The following ZBED4 variants were observed in gnomAD, a reference collection of about 807,000 sequenced individuals.
ZBED4 encodes the protein zinc finger BED-type containing 4, also known as zinc finger BED domain-containing protein 4.
ZBED4 carries 4 observed loss-of-function variants against 15.5 expected under a neutral mutation model. The observed-to-expected ratio is 0.26, with a 90% CI of 0.13 to 0.59. The LOEUF is 0.59. Ranked by LOEUF, ZBED4 falls within the 20% of genes least tolerant of loss-of-function variation. The pLI, the probability that ZBED4 is intolerant of heterozygous loss-of-function variation, is 0.90. For missense variants in ZBED4, 1,323 were observed against 1,461.8 expected, an observed-to-expected ratio of 0.91 and a Z score of 1.55; for synonymous variants, 692 against 608.5, an observed-to-expected ratio of 1.14 and a Z score of -2.02.
intron 1 of ZBED4, among the ~76,000 whole-genome samples, chr22:49,857,115 T>A (rs2060278062): frequency 6.6e-6 from 1 of 152,190 alleles, no homozygotes; most frequent in South Asian, 2.1e-4. Flanking sequence ...CTGCTCCTCA[T>A]CGAGGCCCAC....
chr22:49,871,763 T>TTA (rs1569160161), intron 1 of ZBED4, among the ~76,000 whole-genome samples: 3 of 141,384 alleles, frequency 2.1e-5, no homozygotes, highest in East Asian at 4.0e-4. Flanking sequence ...ATTTATTTTT[T>TTA]TTTTTTTTTG....
rs757531068 is a variant in ZBED4 at position 49,886,490 on chromosome 22, C to T, written c.2828C>T (p.Ala943Val). The change falls in exon 2 of 2, where the codon GCG becomes GTG. Residue 943 changes from alanine to valine, a missense_variant. By Grantham distance (64) the Ala-to-Val change is moderately conservative. This residue lies in a region of ZBED4 where 312 missense variants were observed against 410.7 expected (regional missense o/e 0.76). Transcript: ENST00000216268. This position sits in a 1 kb window ranked among gnomAD's most constrained non-coding sequence, Gnocchi z 7.7. ...CGTGCGCTAAAGCCCTTCGAGGCTG[C>T]GAGCCGGGAGATGAGCACGCAGATG... The part of the protein sequence containing the change: ...VCRALKPFEA[A>V]SREMSTQMST... The T allele has an allele frequency of 8.3e-6, 13 of 1,564,170 alleles. No homozygotes were observed. The highest frequency in any genetic ancestry group is 3.7e-5 in the Admixed American group (2 of 54,456).
chr22:49,871,095 A>G (rs2147520516), intron 1 of ZBED4, among the ~76,000 whole-genome samples: 1 of 151,962 alleles, frequency 6.6e-6, no homozygotes, highest in African/African-American at 2.4e-5. Context: ...TGTGCACCAC[A>G]ATGCCTGGCT....
chr22:49,878,910 C>T (rs148994989), intron 1 of ZBED4, among the ~76,000 whole-genome samples: 2,885 of 151,678 alleles, frequency 0.019, 51 homozygotes, highest in Non-Finnish European at 0.03. Flanking sequence ...TTTGGGAGGC[C>T]GAGGCGGGCA....
intron 1 of ZBED4, among the ~76,000 whole-genome samples, chr22:49,857,534 G>A (rs1017437695): frequency 6.6e-6 from 1 of 152,284 alleles, no homozygotes; most frequent in South Asian, 2.1e-4. Flanking sequence ...CTCTGACTCC[G>A]GGTTTCTGGA....
At chr22:49,854,549 C>G (rs532118603) in intron 1 of ZBED4, among the ~76,000 whole-genome samples, 1 of 152,254 alleles carries the variant, frequency 6.6e-6, no homozygotes, top group South Asian at 2.1e-4. Context: ...ACTTGCCTTG[C>G]GAACCATAAT....
chr22:49,853,895 GC>G lies in ZBED4; in HGVS notation c.-423del, dbSNP rs1225857644. The stretch of plus-strand genomic sequence containing the variant: ...CGGGCGGCGGGGCCGCGGGAGGGGC[GC>G]GGGGGCAGACAAAGCCGCGGTAATG... On this transcript the variant is annotated 5_prime_UTR_variant, in exon 1 of 2. Transcript: ENST00000216268. 3 of 144,798 alleles carry G rather than the reference GC, an allele frequency of 2.1e-5. No individual in the cohort carries two copies. Among genetic ancestry groups the G allele is most frequent in the Non-Finnish European group, 4.6e-5 (3 of 65,284 alleles). The allele number at this position is 144,798 out of a possible 1,614,324, so 9.0% of individuals were successfully genotyped here.
In ZBED4 at chr22:49,871,765, T is replaced by TTATTTA. The variant is rs1205280233; in HGVS notation, c.-329-11568_-329-11567insATTTAT. 4.7e-3 allele frequency among the ~76,000 whole-genome samples: 688 copies of TTATTTA among 147,156 alleles called. 10 individuals are homozygous for TTATTTA. The South Asian group carries it at 0.058, about 12-fold the overall frequency. On this transcript the variant is annotated intron_variant, in intron 1 of 1. Transcript: ENST00000216268. ...AATTTATTTATTTATTTATTTTTTT[T>TTATTTA]TTTTTTTGAGACAGAGTCTTACTCT... is the stretch of plus-strand genomic sequence containing the variant.
intron 1 of ZBED4, among the ~76,000 whole-genome samples, chr22:49,879,210 C>T (rs1373632295): frequency 3.3e-5 from 5 of 150,978 alleles, no homozygotes; most frequent in Non-Finnish European, 4.4e-5. Context: ...CTGTAACTTG[C>T]GCCTCCCGGG....
At chr22:49,856,311 T>G (rs1317387712) in intron 1 of ZBED4, among the ~76,000 whole-genome samples, 1 of 152,196 alleles carries the variant, frequency 6.6e-6, no homozygotes, top group Non-Finnish European at 1.5e-5. Flanking sequence ...ATGGTGGTGG[T>G]GAGGAGCAGC....
chr22:49,864,953 G>GCCA (rs1365130994), intron 1 of ZBED4, among the ~76,000 whole-genome samples: 2,698 of 9,050 alleles, frequency 0.3, 306 homozygotes, highest in African/African-American at 0.48. Context: ...CCCCCCCCCC[G>GCCA]TGAAGTCAGA....
At chr22:49,854,184 C>T (rs575183520) in intron 1 of ZBED4, among the ~76,000 whole-genome samples, 195 bp downstream of exon 1, 2 of 146,712 alleles carry the variant, frequency 1.4e-5, no homozygotes, top group African/African-American at 2.4e-5. Context: ...CGCGCGGACC[C>T]CGGCCCTGAC....
intron 1 of ZBED4, among the ~76,000 whole-genome samples, chr22:49,859,093 C>T (rs867530543): frequency 6.6e-6 from 1 of 152,298 alleles, no homozygotes; most frequent in Middle Eastern, 3.4e-3. Flanking sequence ...CCCATCAGAC[C>T]TCCACATGCT....
intron 1 of ZBED4, among the ~76,000 whole-genome samples, chr22:49,875,832 G>A (rs2060373636): frequency 6.6e-6 from 1 of 151,962 alleles, no homozygotes; most frequent in African/African-American, 2.4e-5. Flanking sequence ...CTCATTCCTG[G>A]TAGTGGTAAA....
chr22:49,856,455 G>A (rs2060274704), intron 1 of ZBED4, among the ~76,000 whole-genome samples: 1 of 152,240 alleles, frequency 6.6e-6, no homozygotes, highest in Admixed American at 6.5e-5. Flanking sequence ...TGAAGGGTCT[G>A]GGGGCGATGG....
At chr22:49,871,818 G>T (rs535429980) in intron 1 of ZBED4, among the ~76,000 whole-genome samples, 2 of 150,946 alleles carry the variant, frequency 1.3e-5, no homozygotes, top group African/African-American at 4.9e-5. Context: ...GCAGTGGTGT[G>T]ATCTCAGCTC....
intron 1 of ZBED4, among the ~76,000 whole-genome samples, chr22:49,881,798 C>T (rs2060411001): frequency 6.6e-6 from 1 of 152,156 alleles, no homozygotes; most frequent in Non-Finnish European, 1.5e-5. Context: ...CTCCCAAGTA[C>T]TAGGGTTACA....
chr22:49,878,301 CAAAAAAAA>C (rs71196388), intron 1 of ZBED4, among the ~76,000 whole-genome samples: 1 of 107,216 alleles, frequency 9.3e-6, no homozygotes, highest in Admixed American at 1.0e-4. Context: ...GACACTGTCT[CAAAAAAAA>C]AAAAAAAAAA....
At chr22:49,878,267 A>G (rs1007939489) in intron 1 of ZBED4, among the ~76,000 whole-genome samples, 1 of 139,750 alleles carries the variant, frequency 7.2e-6, no homozygotes, top group African/African-American at 2.6e-5. Flanking sequence ...GCACCACTGC[A>G]CTCCAACCTG....
Sources: gnomAD v4.1 joint callset for allele counts (sites outside exome capture counted in the v4.1 genomes callset) on GRCh38, gnomAD v4.1.1 for gene constraint, gnomAD v4.1.1 regional missense constraint, Gnocchi (gnomAD v3.1) non-coding constraint, MANE v1.5 for transcripts, NCBI Gene and HGNC (gene_info 2026-07-23, HGNC 2026-07-21) for gene names.